The following ITGA9 variants were observed in gnomAD, a reference collection of about 807,000 sequenced individuals.
The protein encoded by ITGA9 is integrin alpha-9.
A neutral mutation model predicts 127.8 loss-of-function variants in ITGA9; 56 were observed. The observed-to-expected ratio is 0.44, with a 90% confidence interval of 0.35 to 0.55. The LOEUF is 0.55. Ranked by LOEUF, ITGA9 falls within the 20% of genes least tolerant of loss-of-function variation. The pLI is 0.00. For synonymous variants in ITGA9, 508 were observed against 514.5 expected (o/e 0.99, Z 0.17); for missense variants, 1,196 against 1,347.1 (o/e 0.89, Z 1.76).
At chr3:37,715,363 G>A (rs1047980471) in intron 18 of ITGA9, among the ~76,000 whole-genome samples, 3 of 152,140 alleles carry the variant, frequency 2.0e-5, no homozygotes, top group Admixed American at 1.3e-4. Context: ...CTTGATAAGT[G>A]GTAGAGCCAA....
In ITGA9 at chr3:37,636,180, G is replaced by A. The variant is rs376451157; in HGVS notation, c.1839+6844G>A. ...GATGGCTGGGTCAAATGGCATTTCTGGTTCTAGATCCCTGAGGAATCGCCA... is the reference window on the plus strand; with the variant it reads ...GATGGCTGGGTCAAATGGCATTTCTAGTTCTAGATCCCTGAGGAATCGCCA... On this transcript the variant is annotated intron_variant, in intron 16 of 27. Transcript: ENST00000264741. Among the ~76,000 whole-genome samples, 28 of 152,208 alleles carry A rather than the reference G, an allele frequency of 1.8e-4. No homozygotes were observed. The South Asian group carries it at 5.2e-3, about 28-fold the overall frequency.
chr3:37,537,080 C>T (rs1035137282), intron 14 of ITGA9, among the ~76,000 whole-genome samples: 32 of 152,220 alleles, frequency 2.1e-4, no homozygotes, highest in Admixed American at 5.2e-4. Flanking sequence ...GGTTATACTT[C>T]GGGTTAACCA....
chr3:37,732,454 C>T (rs1404503853), intron 18 of ITGA9, among the ~76,000 whole-genome samples: 1 of 152,124 alleles, frequency 6.6e-6, no homozygotes, highest in African/African-American at 2.4e-5. Flanking sequence ...CCCACCTCAC[C>T]AGGACTGCCC....
At chr3:37,517,435 T>C (rs1196314972) in intron 9 of ITGA9, 69 bp from the exon 10 acceptor site, 2 of 1,226,092 alleles carry the variant, frequency 1.6e-6, no homozygotes, top group Non-Finnish European at 2.3e-6. Flanking sequence ...TGGTTTTTTA[T>C]TGATTTTTAT....
intron 15 of ITGA9, among the ~76,000 whole-genome samples, chr3:37,617,403 CT>C (rs1327065457): frequency 6.6e-6 from 1 of 152,178 alleles, no homozygotes; most frequent in African/African-American, 2.4e-5. Context: ...ACATTTTTTC[CT>C]TCATTTCAGC....
intron 15 of ITGA9, among the ~76,000 whole-genome samples, chr3:37,576,431 A>T (rs761681668): frequency 9.2e-5 from 14 of 152,174 alleles, no homozygotes; most frequent in Non-Finnish European, 1.9e-4. Flanking sequence ...TCATTTTGTT[A>T]TGAGAGATTT....
At chr3:37,465,193 C>G (rs1275153483) in intron 1 of ITGA9, among the ~76,000 whole-genome samples, 1 of 152,182 alleles carries the variant, frequency 6.6e-6, no homozygotes, top group Non-Finnish European at 1.5e-5. Context: ...GTTCTCAGTC[C>G]TGCCCAGGGA....
intron 26 of ITGA9, among the ~76,000 whole-genome samples, chr3:37,786,988 G>C (rs946489984): frequency 1.2e-4 from 19 of 152,206 alleles, no homozygotes; most frequent in African/African-American, 4.3e-4. Context: ...ATGGAATGAT[G>C]CTGGGTCATT....
At chr3:37,559,318 G>C (rs1699463151) in intron 15 of ITGA9, among the ~76,000 whole-genome samples, 1 of 151,994 alleles carries the variant, frequency 6.6e-6, no homozygotes, top group Non-Finnish European at 1.5e-5. Flanking sequence ...ACCATTTTGA[G>C]GTCATTTAAT....
At chr3:37,758,764 A>G (rs1280624545) in intron 23 of ITGA9, among the ~76,000 whole-genome samples, 1 of 152,010 alleles carries the variant, frequency 6.6e-6, no homozygotes, top group Non-Finnish European at 1.5e-5. Context: ...AAAAAAAAGT[A>G]TCCTATTGTA....
Position 37,731,457 on chromosome 3 carries a change from C to T in ITGA9, c.2068-1255C>T, listed in dbSNP as rs768747755. Among the ~76,000 whole-genome samples, 3 of 152,058 alleles carry T rather than the reference C, an allele frequency of 2.0e-5. No homozygotes were observed. The South Asian group carries it at 6.2e-4, about 32-fold the overall frequency. ...AATCATCATTGAGATCAGTTATATC[C>T]GAGACTGGATGCTGAAAAGATATAT... On this transcript the variant is annotated intron_variant, in intron 18 of 27. Transcript: ENST00000264741.
chr3:37,721,031 C>T (rs1261905172), intron 18 of ITGA9, among the ~76,000 whole-genome samples: 4 of 151,418 alleles, frequency 2.6e-5, no homozygotes, highest in Non-Finnish European at 4.4e-5. Context: ...CACATAATTG[C>T]TTCTGATGCC....
intron 27 of ITGA9, among the ~76,000 whole-genome samples, chr3:37,817,840 A>G (rs1697454686): frequency 6.6e-6 from 1 of 152,218 alleles, no homozygotes; most frequent in Non-Finnish European, 1.5e-5. Context: ...ATCAAAGGGC[A>G]GGGTCTTTTC....
chr3:37,630,734 G>A (rs1381814020), intron 16 of ITGA9, among the ~76,000 whole-genome samples: 1 of 152,206 alleles, frequency 6.6e-6, no homozygotes, highest in African/African-American at 2.4e-5. Flanking sequence ...CTGCCAAGAG[G>A]TTTTGATTTA....
At chr3:37,702,809 A>T (rs1240424117) in intron 18 of ITGA9, among the ~76,000 whole-genome samples, 1 of 152,026 alleles carries the variant, frequency 6.6e-6, no homozygotes, top group Non-Finnish European at 1.5e-5. Context: ...GGGCATCTTC[A>T]TTATAAAAGC....
At chr3:37,500,531 C>T (rs928152946) in intron 5 of ITGA9, among the ~76,000 whole-genome samples, 3 of 152,180 alleles carry the variant, frequency 2.0e-5, no homozygotes, top group Admixed American at 6.5e-5. Flanking sequence ...AACCATAACA[C>T]GTATTGTTTA....
At chr3:37,744,513 GCCCCTGTGAGCC>G (rs372798918) in intron 22 of ITGA9, among the ~76,000 whole-genome samples, 138 of 152,310 alleles carry the variant, frequency 9.1e-4, no homozygotes, top group African/African-American at 3.2e-3. Context: ...AGGAGTGTGA[GCCCCTGTGAGCC>G]CCCACGGGAG....
intron 26 of ITGA9, among the ~76,000 whole-genome samples, chr3:37,797,350 G>A (rs1697185913): frequency 6.6e-6 from 1 of 152,002 alleles, no homozygotes; most frequent in Admixed American, 6.6e-5. Context: ...GTGAGACCCT[G>A]TCTCCAAAAA....
chr3:37,483,339 G>A (rs1698576273), intron 4 of ITGA9, among the ~76,000 whole-genome samples: 2 of 152,158 alleles, frequency 1.3e-5, no homozygotes, highest in Non-Finnish European at 2.9e-5. Flanking sequence ...AGTAGCTGTG[G>A]ATCATCAGTA....
Sources: gnomAD v4.1 joint callset for allele counts (sites outside exome capture counted in the v4.1 genomes callset) on GRCh38, gnomAD v4.1.1 for gene constraint, MANE v1.5 for transcripts, NCBI Gene and HGNC (gene_info 2026-07-23, HGNC 2026-07-21) for gene names.